INTU: variants seen among roughly 807,000 people sequenced by gnomAD.
INTU encodes protein inturned.
In INTU, 68 loss-of-function variants were observed where a neutral mutation model predicts 100.5. The observed-to-expected ratio is 0.68, with a 90% CI of 0.56 to 0.83. The LOEUF (loss-of-function observed/expected upper bound fraction) is 0.83. Ranked by LOEUF, INTU falls within the 40% of genes least tolerant of loss-of-function variation. INTU has a pLI of 0.00. For synonymous variants in INTU, 357 were observed against 395.7 expected (o/e 0.90, Z 1.16); for missense variants, 1,071 against 1,114.7 (o/e 0.96, Z 0.56).
chr4:127,702,174 T>G (rs4833386), intron 9 of INTU, among the ~76,000 whole-genome samples: 83,306 of 151,616 alleles, frequency 0.55, 23,107 homozygotes, highest in Middle Eastern at 0.69. Flanking sequence ...ATAATCTATT[T>G]TGATTCCTTA....
At chr4:127,678,842 G>C (rs1485056106) in intron 6 of INTU, among the ~76,000 whole-genome samples, 6 of 151,918 alleles carry the variant, frequency 3.9e-5, no homozygotes, top group African/African-American at 1.5e-4. Context: ...TCAGTGTGCT[G>C]TATTCAGGAA....
intron 6 of INTU, among the ~76,000 whole-genome samples, chr4:127,676,905 G>A (rs184290649): frequency 7.7e-4 from 118 of 152,258 alleles, no homozygotes; most frequent in African/African-American, 2.5e-3. Flanking sequence ...CCAATACTGC[G>A]CTTTCCCAAC....
intron 8 of INTU, among the ~76,000 whole-genome samples, chr4:127,698,560 G>A (rs1051343505): frequency 4.6e-5 from 7 of 151,874 alleles, no homozygotes; most frequent in African/African-American, 7.3e-5. Flanking sequence ...AAACTAAATA[G>A]TTATTTTTAA....
chr4:127,669,029 T>C lies in INTU; in HGVS notation c.973-7T>C. On this transcript the variant is annotated splice_polypyrimidine_tract_variant and splice_region_variant and intron_variant, in intron 4 of 15. Transcript: ENST00000335251. The stretch of plus-strand genomic sequence containing the variant: ...TGGGTGGTTTGATCATTTGTTTCAT[T>C]TAACAGCAGGAAATTCTTTATCATT... 7.6e-7 allele frequency: 1 copy of C among 1,309,976 alleles called. No individual in the cohort carries two copies. Among genetic ancestry groups the C allele is most frequent in the Non-Finnish European group, 1.1e-6 (1 of 936,850 alleles). 81.1% of individuals were successfully genotyped at this position (1,309,976 alleles called of 1,614,324 possible).
At chr4:127,714,239 T>A (rs1389341419) in intron 15 of INTU, 146 bp downstream of exon 15, 1 of 535,562 alleles carries the variant, frequency 1.9e-6, no homozygotes, top group Non-Finnish European at 3.1e-6. Context: ...TTGCTAAGTA[T>A]CTCCTTTAAA....
rs369923475 is a variant in INTU at position 127,706,502 on chromosome 4, T to C, written c.1804T>C (p.Cys602Arg). Residue 602 changes from cysteine (C) to arginine (R), a missense_variant, in exon 12 of 16, where the codon TGT becomes CGT. Physicochemically the swap from Cys to Arg is radical, Grantham distance 180. Transcript: ENST00000335251. ...LVVGLKHYMLCVLLEAGGCAS... is the reference protein window; with the variant it reads ...LVVGLKHYMLRVLLEAGGCAS... Reference sequence around the variant, plus strand: ...TTCCCTATAGAAACATTATATGCTATGTGTACTATTAGAAGCTGGAGGTTG... The same window carrying C: ...TTCCCTATAGAAACATTATATGCTACGTGTACTATTAGAAGCTGGAGGTTG... 5 of 1,612,410 alleles carry C rather than the reference T, an allele frequency of 3.1e-6. No individual in the cohort carries two copies. Among genetic ancestry groups the C allele is most frequent in the Non-Finnish European group, 4.2e-6 (5 of 1,179,062 alleles).
intron 2 of INTU, among the ~76,000 whole-genome samples, chr4:127,652,234 T>C (rs1354633389): frequency 7.2e-6 from 1 of 139,788 alleles, no homozygotes; most frequent in Non-Finnish European, 1.5e-5. Flanking sequence ...CTAATTGCCC[T>C]GGCCAGAACT....
chr4:127,646,424 A>G (rs1341938987), intron 2 of INTU, among the ~76,000 whole-genome samples: 1 of 152,166 alleles, frequency 6.6e-6, no homozygotes, highest in Non-Finnish European at 1.5e-5. Context: ...CTTGAGGCCT[A>G]TCAAACATAT....
chr4:127,689,761 G>T (rs566482401), intron 8 of INTU, among the ~76,000 whole-genome samples: 25 of 151,932 alleles, frequency 1.6e-4, no homozygotes, highest in African/African-American at 6.0e-4. Flanking sequence ...GAGGGAAGAG[G>T]CAAGGGAAGG....
chr4:127,676,989 G>A (rs866298835), intron 6 of INTU, among the ~76,000 whole-genome samples: 5 of 151,902 alleles, frequency 3.3e-5, no homozygotes, highest in African/African-American at 9.6e-5. Flanking sequence ...ACGGAGTCTC[G>A]CTGATTGCTA....
chr4:127,636,556 G>A (rs745341539), intron 1 of INTU, among the ~76,000 whole-genome samples: 3 of 149,622 alleles, frequency 2.0e-5, no homozygotes, highest in Non-Finnish European at 3.0e-5. Flanking sequence ...AGGTTGCAGT[G>A]AGCCGAGATC....
chr4:127,674,718 A>C (rs1413124404), intron 6 of INTU, among the ~76,000 whole-genome samples: 1 of 152,194 alleles, frequency 6.6e-6, no homozygotes, highest in Non-Finnish European at 1.5e-5. Context: ...TGAAGTATAC[A>C]TTATTTTAAT....
At chr4:127,645,030 T>A (rs1727511230) in intron 2 of INTU, among the ~76,000 whole-genome samples, 1 of 152,222 alleles carries the variant, frequency 6.6e-6, no homozygotes. Flanking sequence ...GGCAGGCAGC[T>A]CCTCACTGTC....
rs1318835681 is a variant in INTU, at chr4:127,651,720, A to G, written c.683-4916A>G. 4.6e-5 allele frequency among the ~76,000 whole-genome samples: 7 copies of G among 151,784 alleles called. No homozygotes were observed. The East Asian group carries it at 1.4e-3, about 29-fold the overall frequency. On this transcript the variant is annotated intron_variant, in intron 2 of 15. Coordinates refer to ENST00000335251, the MANE Select transcript of INTU (RefSeq NM_015693.4). ...GATGCGGGCTCTTTTTTGGTTCCAT[A>G]TGAACCTTAAAGTAGTTTTTTCCAA...
chr4:127,653,698 G>A (rs1475489972), intron 2 of INTU, among the ~76,000 whole-genome samples: 1 of 150,018 alleles, frequency 6.7e-6, no homozygotes, highest in Admixed American at 6.6e-5. Flanking sequence ...TGTATATTCT[G>A]TTGATTTGGG....
At position 127,716,361 on chromosome 4, in the gene INTU, T is replaced by C; in HGVS notation, c.2754T>C (p.Tyr918=). 2.5e-6 allele frequency: 4 copies of C among 1,587,000 alleles called. No individual in the cohort carries two copies. Among genetic ancestry groups the C allele is most frequent in the Non-Finnish European group, 3.4e-6 (4 of 1,166,676 alleles). The stretch of plus-strand genomic sequence containing the variant: ...TTCATCCAAAACCTCAAGAACTTTA[T>C]GTCTGTTTTCATGACTCAGTCACAG... ...LFLHPKPQEL[Y]VCFHDSVTEI... The change falls in exon 16 of 16, where the codon TAT becomes TAC. Residue 918 remains tyrosine, a synonymous_variant. Transcript: ENST00000335251.
At chr4:127,660,244 A>T (rs1004915259) in intron 3 of INTU, among the ~76,000 whole-genome samples, 1 of 152,172 alleles carries the variant, frequency 6.6e-6, no homozygotes, top group Non-Finnish European at 1.5e-5. Flanking sequence ...TACAGGAGAG[A>T]GAGAAGTCCA....
chr4:127,696,308 A>T (rs935151370), intron 8 of INTU, among the ~76,000 whole-genome samples: 1 of 152,194 alleles, frequency 6.6e-6, no homozygotes. Context: ...AGAATTCACC[A>T]GTCTACCCAT....
rs1003697462 is a variant in INTU, at chr4:127,654,158, G to T, written c.683-2478G>T. On this transcript the variant is annotated intron_variant, in intron 2 of 15. Transcript: ENST00000335251. ...GTTTCCTGAATACAGCACACTGATG[G>T]GTCTTGACTCTTTATCCAATTTGCC... is the stretch of plus-strand genomic sequence containing the variant. Among the ~76,000 whole-genome samples the T allele has an allele frequency of 8.8e-3, 1,332 of 151,078 alleles. 27 individuals carry two copies. The highest frequency in any genetic ancestry group is 0.031 in the African/African-American group (1,272 of 40,824).
Sources: allele counts gnomAD v4.1 joint callset (sites outside exome capture counted in the v4.1 genomes callset), GRCh38; gene constraint gnomAD v4.1.1; transcripts MANE v1.5; gene names NCBI Gene and HGNC (gene_info 2026-07-23, HGNC 2026-07-21).